The following CPLANE1 variants were observed in gnomAD, a reference collection of about 807,000 sequenced individuals.
CPLANE1 encodes ciliogenesis and planar polarity effector complex subunit 1, also known as ciliogenesis and planar polarity effector 1.
A neutral mutation model predicts 362.5 loss-of-function variants in CPLANE1; 263 were observed. That is an observed-to-expected ratio of 0.73 (90% CI 0.66 to 0.80). CPLANE1 has a LOEUF of 0.80. CPLANE1 is among the 30% of genes least tolerant of loss of function. The pLI is 0.00. For missense variants in CPLANE1, 3,461 were observed against 3,793.4 expected, an observed-to-expected ratio of 0.91 and a Z score of 2.30; for synonymous variants, 1,212 against 1,302.6, an observed-to-expected ratio of 0.93 and a Z score of 1.50.
intron 35 of CPLANE1, among the ~76,000 whole-genome samples, chr5:37,166,550 G>A (rs1381578929): frequency 6.6e-6 from 1 of 152,064 alleles, no homozygotes; most frequent in Non-Finnish European, 1.5e-5. Flanking sequence ...AGTTATAATT[G>A]TTATATTTTA....
chr5:37,203,080 T>C (rs2150083408), intron 18 of CPLANE1, among the ~76,000 whole-genome samples: 1 of 152,282 alleles, frequency 6.6e-6, no homozygotes, highest in South Asian at 2.1e-4. Context: ...GAGACATAAT[T>C]TACATACTAT....
At chr5:37,132,540 G>T (rs907103378) in intron 46 of CPLANE1, among the ~76,000 whole-genome samples, 3 of 151,918 alleles carry the variant, frequency 2.0e-5, no homozygotes, top group Non-Finnish European at 4.4e-5. Flanking sequence ...TAGTGACGGG[G>T]TTTCACCATG....
At chr5:37,134,647 G>A (rs1767042163) in intron 46 of CPLANE1, among the ~76,000 whole-genome samples, 1 of 151,950 alleles carries the variant, frequency 6.6e-6, no homozygotes, top group Non-Finnish European at 1.5e-5. Flanking sequence ...GTTCACTTCT[G>A]CTCTGATTTT....
At chr5:37,174,023 A>G in intron 31 of CPLANE1, 76 bp from the exon 32 acceptor site, 1 of 1,220,064 alleles carries the variant, frequency 8.2e-7, no homozygotes. Context: ...TGATCAGAAT[A>G]TTTTGATCCC....
intron 8 of CPLANE1, among the ~76,000 whole-genome samples, chr5:37,238,543 G>A (rs1799568481): frequency 7.6e-6 from 1 of 131,580 alleles, no homozygotes; most frequent in Admixed American, 8.9e-5. Flanking sequence ...TGCTCAGACT[G>A]GAGTGCAGTG....
intron 30 of CPLANE1, among the ~76,000 whole-genome samples, chr5:37,176,685 G>A (rs7724454): frequency 0.15 from 22,428 of 151,786 alleles, 1,956 homozygotes; most frequent in African/African-American, 0.24. Context: ...AGTATTAAAT[G>A]CATTCTTTTT....
Position 37,164,291 on chromosome 5 carries a change from C to T in CPLANE1, c.7570G>A (p.Asp2524Asn). ...QEHCGSHPLD[D>N]FDVPFEMLQD... ...TACATACCAAAAGGAACGTCGAAGT[C>T]ATCCAAAGGATGGGAACCACAATGT... The change falls in exon 37 of 53, where the codon GAC (aspartate) becomes AAC (asparagine). Residue 2524 changes from aspartate to asparagine, a missense_variant. Physicochemically the swap from Asp to Asn is conservative, Grantham distance 23. Around this residue, in one of 2 missense-constraint regions of CPLANE1, gnomAD observed 3,380 missense variants for 3,666.1 expected, o/e 0.92. Transcript: ENST00000651892. 6.2e-7 allele frequency: 1 copy of T among 1,613,098 alleles called. No individual in the cohort carries two copies. Among genetic ancestry groups the T allele is most frequent in the South Asian group, 1.1e-5 (1 of 91,058 alleles).
intron 46 of CPLANE1, among the ~76,000 whole-genome samples, chr5:37,132,986 C>T (rs1461196879): frequency 2.0e-5 from 3 of 152,160 alleles, no homozygotes; most frequent in East Asian, 1.9e-4. Context: ...CATTCTTCTG[C>T]GTATGGCTAA....
chr5:37,084,761 A>C, the CPLANE1 span, among the ~76,000 whole-genome samples: 899 of 151,398 alleles, frequency 5.9e-3, 15 homozygotes, highest in African/African-American at 0.021. Context: ...ACAGAGCGAG[A>C]CTCTGTCTTT....
At position 37,176,014 on chromosome 5, in the gene CPLANE1, G is replaced by C. The variant is rs139233707; in HGVS notation, c.5901-28C>G. On this transcript the variant is annotated intron_variant, in intron 30 of 52. Coordinates refer to ENST00000651892, the MANE Select transcript of CPLANE1 (RefSeq NM_001384732.1). ...ATCAATAAAAATTAACAGGTGATTA[G>C]TAAGCAAGATATTCTTTGCATTATC... 3.4e-6 allele frequency: 5 copies of C among 1,463,998 alleles called. No homozygotes were observed. The East Asian group carries it at 1.1e-4, about 33-fold the overall frequency. The allele number at this position is 1,463,998 out of a possible 1,614,324, so 90.7% of individuals were successfully genotyped here. A position where few individuals can be genotyped will look rare whatever the true frequency, so the allele number is the denominator to read the frequency against.
rs1363959972 is a variant in CPLANE1, at chr5:37,184,993, T to C, written c.4276A>G (p.Ile1426Val). The C allele has an allele frequency of 2.5e-6, 4 of 1,614,146 alleles. No homozygotes were observed. Among genetic ancestry groups the C allele is most frequent in the Non-Finnish European group, 3.4e-6 (4 of 1,179,976 alleles). The change falls in exon 25 of 53, where the codon ATA (isoleucine) becomes GTA (valine). Residue 1426 changes from isoleucine to valine, a missense_variant. Transcript: ENST00000651892. Reference protein sequence around the residue: ...VKALKRVQRNIGSFEVNIWEP... With the variant: ...VKALKRVQRNVGSFEVNIWEP... ...CATATATTCACTTCAAAAGAGCCTA[T>C]ATTTCTCTGCACACGTTTTAGAGCT...
intron 27 of CPLANE1, 127 bp downstream of exon 27, chr5:37,180,730 T>C: frequency 3.9e-6 from 3 of 777,820 alleles, no homozygotes; most frequent in Non-Finnish European, 6.1e-6. Context: ...GAAAGCTCAC[T>C]GCCTGCTCCT....
chr5:37,199,796 C>T (rs1788628534), intron 19 of CPLANE1, among the ~76,000 whole-genome samples: 1 of 152,174 alleles, frequency 6.6e-6, no homozygotes, highest in Non-Finnish European at 1.5e-5. Context: ...TGAGGGAAAG[C>T]TCATCCCACC....
the CPLANE1 span, among the ~76,000 whole-genome samples, chr5:37,084,494 A>G: frequency 5.9e-5 from 9 of 152,176 alleles, no homozygotes; most frequent in Non-Finnish European, 1.3e-4. Flanking sequence ...AAAGATACAG[A>G]ATGGGCCAGG....
intron 34 of CPLANE1, 113 bp from the exon 35 acceptor site, chr5:37,167,326 A>T: frequency 2.6e-6 from 2 of 778,984 alleles, no homozygotes; most frequent in Non-Finnish European, 4.0e-6. Flanking sequence ...TGCAACAGTT[A>T]GAACAAATCA....
intron 51 of CPLANE1, among the ~76,000 whole-genome samples, chr5:37,114,191 G>A (rs1269831672): frequency 6.6e-6 from 1 of 152,196 alleles, no homozygotes; most frequent in African/African-American, 2.4e-5. Context: ...CACAGATTTT[G>A]TTGGATTTAA....
At chr5:37,161,659 A>T (rs1038230912) in intron 38 of CPLANE1, among the ~76,000 whole-genome samples, 2 of 152,216 alleles carry the variant, frequency 1.3e-5, no homozygotes, top group Admixed American at 1.3e-4. Flanking sequence ...GAAGATAGCC[A>T]TAATATCTGG....
In CPLANE1 at chr5:37,180,885, G is replaced by A. The variant is rs1782499153; in HGVS notation, c.5542C>T (p.Gln1848Ter). The change falls in exon 27 of 53, where the codon CAG becomes TAG. Residue 1848 changes from glutamine (Q) to a stop codon, truncating the protein, a stop_gained. Transcript: ENST00000651892. LOFTEE classifies it high-confidence loss of function. ...AAGATATTTTGACAAGATTTATTCT[G>A]ACCATTTCTTTCCTCAGTTCCACCT... Reference protein sequence around the residue: ...TPGGTEERNGQNKSCQNILNR... With the variant: ...TPGGTEERNG 5.0e-6 allele frequency: 8 copies of A among 1,613,834 alleles called. No individual in the cohort carries two copies. Among genetic ancestry groups the A allele is most frequent in the Non-Finnish European group, 6.8e-6 (8 of 1,179,950 alleles).
At chr5:37,140,215 G>A (rs1371081396) in intron 44 of CPLANE1, 5 of 890,828 alleles carry the variant, frequency 5.6e-6, no homozygotes, top group Non-Finnish European at 4.0e-6. Flanking sequence ...TTAATATAGG[G>A]AAAAGTGTTC....
Sources: allele counts gnomAD v4.1 joint callset (sites outside exome capture counted in the v4.1 genomes callset), GRCh38; gene constraint gnomAD v4.1.1; regional missense constraint gnomAD v4.1.1; transcripts MANE v1.5; gene names NCBI Gene and HGNC (gene_info 2026-07-23, HGNC 2026-07-21).